The following RFX2 variants were observed in gnomAD, a reference collection of about 807,000 sequenced individuals.
RFX2 encodes regulatory factor X2.
In RFX2, 20 loss-of-function variants were observed where a neutral mutation model predicts 87.8. The ratio of observed to expected loss-of-function variants is 0.23; its 90% CI spans 0.16 to 0.33. The LOEUF (loss-of-function observed/expected upper bound fraction) is 0.33. RFX2 is among the 10% of genes least tolerant of loss of function. The pLI, the probability that RFX2 is intolerant of heterozygous loss-of-function variation, is 1.00. For missense variants in RFX2, 767 were observed against 1,012.3 expected (o/e 0.76, Z 3.29); for synonymous variants, 397 against 431.3 (o/e 0.92, Z 0.98).
chr19:6,075,565 GAA>G (rs937551090), intron 1 of RFX2, among the ~76,000 whole-genome samples: 179 of 152,312 alleles, frequency 1.2e-3, no homozygotes, highest in Non-Finnish European at 5.7e-4. Context: ...AAGGGTGAAA[GAA>G]AGAGAGGAGT....
chr19:6,107,120 C>T (rs1205597221), intron 1 of RFX2, among the ~76,000 whole-genome samples: 2 of 150,450 alleles, frequency 1.3e-5, no homozygotes, highest in East Asian at 4.0e-4. Context: ...ACAGTGAAAC[C>T]CCGTCTCTAC....
chr19:6,066,065 C>A (rs1279841443), intron 1 of RFX2, among the ~76,000 whole-genome samples: 1 of 152,144 alleles, frequency 6.6e-6, no homozygotes, highest in Non-Finnish European at 1.5e-5. Context: ...TGGTGTTTAC[C>A]TAAGCAACAA....
chr19:6,080,329 T>TTTGG (rs2087761633), intron 1 of RFX2, among the ~76,000 whole-genome samples: 1 of 151,530 alleles, frequency 6.6e-6, no homozygotes, highest in Non-Finnish European at 1.5e-5. Flanking sequence ...CTTCAAGCAA[T>TTTGG]CCTCCCACTT....
At chr19:6,079,200 G>T (rs1255122835) in intron 1 of RFX2, among the ~76,000 whole-genome samples, 1 of 152,244 alleles carries the variant, frequency 6.6e-6, no homozygotes, top group Non-Finnish European at 1.5e-5. Context: ...TGTGCAGGGA[G>T]TATCACTGCG....
At position 6,002,105 on chromosome 19, in the gene RFX2, C is replaced by CG; in HGVS notation, c.1651-83dup. 8.0e-7 allele frequency: 1 copy of CG among 1,250,316 alleles called. No homozygotes were observed. 77.5% of individuals were successfully genotyped at this position (1,250,316 alleles called of 1,614,324 possible). ...TCCCTGGACCTAGCCATGCTCAGGG[C>CG]GGGACATCGTGCTGTGCTTGAGCCT... On this transcript the variant is annotated intron_variant, in intron 14 of 17. Transcript: ENST00000303657. This position sits in a 1 kb window ranked among gnomAD's most constrained non-coding sequence, Gnocchi z 6.7.
chr19:6,070,979 A>G lies in RFX2; in HGVS notation c.-8-23475T>C, dbSNP rs1162416759. ...GCAGTCTTCCCACCTCAGCCTCCCAAAGTGTGGGACTGCAGGCGTGAGCCC... is the reference window on the plus strand; with the variant it reads ...GCAGTCTTCCCACCTCAGCCTCCCAGAGTGTGGGACTGCAGGCGTGAGCCC... On this transcript the variant is annotated intron_variant, in intron 1 of 17. Transcript: ENST00000303657. 2.0e-5 allele frequency among the ~76,000 whole-genome samples: 3 copies of G among 152,062 alleles called. No homozygotes were observed. The East Asian group carries it at 5.8e-4, about 29-fold the overall frequency.
At chr19:5,996,379 C>T (rs531874210) in intron 16 of RFX2, among the ~76,000 whole-genome samples, 3 of 152,384 alleles carry the variant, frequency 2.0e-5, no homozygotes, top group South Asian at 4.1e-4. Context: ...GAACACAACT[C>T]AGCCAGGAGA....
Position 6,055,396 on chromosome 19 carries a change from G to A in RFX2, c.-8-7892C>T, listed in dbSNP as rs138372489. 1.4e-4 allele frequency among the ~76,000 whole-genome samples: 21 copies of A among 152,226 alleles called. No homozygotes were observed. The East Asian group carries it at 4.0e-3, about 29-fold the overall frequency. On this transcript the variant is annotated intron_variant, in intron 1 of 17. Transcript: ENST00000303657. ...CTCTTCAAAAAAATAATAACAACTT[G>A]TATAAGCATGTTCATAGCAGCTTTT...
chr19:6,107,356 C>T (rs2088233293), intron 1 of RFX2, among the ~76,000 whole-genome samples: 1 of 150,634 alleles, frequency 6.6e-6, no homozygotes, highest in Non-Finnish European at 1.5e-5. Flanking sequence ...GTGGCTTACG[C>T]CTGTAATCCC....
Position 6,040,136 on chromosome 19 carries a change from C to T in RFX2, c.366G>A (p.Ser122=), listed in dbSNP as rs35078478. Residue 122 remains serine (S), a synonymous_variant, in exon 5 of 18, where the codon TCG becomes TCA. Transcript: ENST00000303657. The surrounding 1 kb of genome is among the most constrained non-coding windows in gnomAD (Gnocchi z 6.1). ...PGGAQVTVAA[S]SPPAVPSHSM... ...TGTGGGAGGGGACCGCTGGCGGGGA[C>T]GAGGCTGCCACGGTCACCTGGGCAC... is the stretch of plus-strand genomic sequence containing the variant. 6.4e-3 allele frequency: 10,325 copies of T among 1,609,262 alleles called. 638 individuals carry two copies. The African/African-American group carries it at 0.12, about 19-fold the overall frequency.
rs187170451 is a variant in RFX2, at chr19:6,018,036, C to T, written c.598-1765G>A. Among the ~76,000 whole-genome samples, 689 of 152,012 alleles carry T rather than the reference C, an allele frequency of 4.5e-3. 5 individuals are homozygous for T. Among genetic ancestry groups the T allele is most frequent in the African/African-American group, 0.016 (643 of 41,476 alleles). On this transcript the variant is annotated intron_variant, in intron 6 of 17. Transcript: ENST00000303657. ...GTCACCCAGGCTGGAGGTGCAGTGG[C>T]GCAATCTTGGCACACTGCAACCTCC...
rs1261058107 is a variant in RFX2, at chr19:6,013,925, G to A, written c.780-820C>T. Among the ~76,000 whole-genome samples, 1 of 152,060 alleles carries A rather than the reference G, an allele frequency of 6.6e-6. No homozygotes were observed. ...AGGTCAGCTTTGTTGAGCTCCACAT[G>A]GCTTATCTCCATTATTATTACCATT... On this transcript the variant is annotated intron_variant, in intron 7 of 17. Coordinates refer to ENST00000303657, the MANE Select transcript of RFX2 (RefSeq NM_000635.4). The surrounding 1 kb of genome is among the most constrained non-coding windows in gnomAD (Gnocchi z 4.1).
intron 9 of RFX2, among the ~76,000 whole-genome samples, chr19:6,009,198 C>G (rs993724595): frequency 6.6e-6 from 1 of 152,306 alleles, no homozygotes; most frequent in South Asian, 2.1e-4. Flanking sequence ...CCTGACCCCA[C>G]CTCAATCTCT....
rs2086825828 is a variant in RFX2, at chr19:6,022,343, A to T, written c.597+3820T>A. On this transcript the variant is annotated intron_variant, in intron 6 of 17. Transcript: ENST00000303657. The surrounding 1 kb of genome is among the most constrained non-coding windows in gnomAD (Gnocchi z 6.2). Reference sequence around the variant, plus strand: ...CAGGTCACCAGCTGAAGGCTAAATGACCTTTGACAATGTGTGTTTCTTGAT... The same window carrying T: ...CAGGTCACCAGCTGAAGGCTAAATGTCCTTTGACAATGTGTGTTTCTTGAT... 6.6e-6 allele frequency among the ~76,000 whole-genome samples: 1 copy of T among 152,130 alleles called. No homozygotes were observed. The highest frequency in any genetic ancestry group is 6.5e-5 in the Admixed American group (1 of 15,276).
chr19:5,996,854 T>C (rs954697027), intron 16 of RFX2, among the ~76,000 whole-genome samples: 3 of 152,178 alleles, frequency 2.0e-5, no homozygotes, highest in Non-Finnish European at 4.4e-5. Context: ...CTGATAAAAC[T>C]TGTGGTTTTG....
In RFX2 at chr19:6,002,975, G is replaced by C. The variant is rs970824427; in HGVS notation, c.1501-105C>G. On this transcript the variant is annotated intron_variant, in intron 13 of 17. Transcript: ENST00000303657. The surrounding 1 kb of genome is among the most constrained non-coding windows in gnomAD (Gnocchi z 6.7). ...TCAGGGACAACACAGGGAGGAGGGA[G>C]CAGGAAACAGCAACCTGGGCAGGGA... The C allele has an allele frequency of 2.4e-6, 3 of 1,258,622 alleles. No homozygotes were observed. Among genetic ancestry groups the C allele is most frequent in the Non-Finnish European group, 3.3e-6 (3 of 917,316 alleles). 78.0% of individuals were successfully genotyped at this position (1,258,622 alleles called of 1,614,324 possible).
At chr19:6,025,010 T>C (rs1190362928) in intron 6 of RFX2, among the ~76,000 whole-genome samples, 1 of 152,062 alleles carries the variant, frequency 6.6e-6, no homozygotes, top group Non-Finnish European at 1.5e-5. Context: ...GGGGACTTCT[T>C]CTCTGATGTC....
intron 1 of RFX2, among the ~76,000 whole-genome samples, chr19:6,099,466 C>T (rs530909282): frequency 6.6e-6 from 1 of 151,062 alleles, no homozygotes; most frequent in African/African-American, 2.4e-5. Context: ...GAGATCAAAT[C>T]GAAAACATGG....
rs2144699131 is a variant in RFX2 at position 6,011,920 on chromosome 19, C to T, written c.899+1066G>A. On this transcript the variant is annotated intron_variant, in intron 8 of 17. Coordinates refer to ENST00000303657, the MANE Select transcript of RFX2 (RefSeq NM_000635.4). This position sits in a 1 kb window ranked among gnomAD's most constrained non-coding sequence, Gnocchi z 4.8. ...GGAGGCAGTGATATTTGAATGGGCC[C>T]TAAACCAGGGGCCAGCAAACTATGG... 6.6e-6 allele frequency among the ~76,000 whole-genome samples: 1 copy of T among 152,366 alleles called. No individual in the cohort carries two copies. The highest frequency in any genetic ancestry group is 1.9e-4 in the East Asian group (1 of 5,190).
Sources: gnomAD v4.1 joint callset for allele counts (sites outside exome capture counted in the v4.1 genomes callset) on GRCh38, gnomAD v4.1.1 for gene constraint, Gnocchi (gnomAD v3.1) non-coding constraint, MANE v1.5 for transcripts, NCBI Gene and HGNC (gene_info 2026-07-23, HGNC 2026-07-21) for gene names.